GHR: variants seen among roughly 807,000 people sequenced by gnomAD.
The protein encoded by GHR is growth hormone receptor.
In GHR, 35 loss-of-function variants were observed where a neutral mutation model predicts 67.1. The observed-to-expected ratio is 0.52, with a 90% CI of 0.40 to 0.69. GHR has a LOEUF of 0.69. GHR is among the 30% of genes least tolerant of loss of function. The probability of loss-of-function intolerance (pLI) is 0.00; values close to 1 mark genes in which losing one functional copy is unlikely to be tolerated. For synonymous variants in GHR, 272 were observed against 269.1 expected (o/e 1.01, Z -0.10); for missense variants, 792 against 764.6 (o/e 1.04, Z -0.42).
chr5:42,669,291 C>T (rs926702681), intron 3 of GHR, among the ~76,000 whole-genome samples: 1 of 152,162 alleles, frequency 6.6e-6, no homozygotes, highest in Non-Finnish European at 1.5e-5. Context: ...ACAAAAGACC[C>T]TATTTTGTTG....
chr5:42,679,698 A>G (rs945382966), intron 3 of GHR, among the ~76,000 whole-genome samples: 2 of 152,004 alleles, frequency 1.3e-5, no homozygotes, highest in African/African-American at 4.8e-5. Flanking sequence ...TTAATAACCA[A>G]GTGACTTTGG....
At chr5:42,570,268 C>A (rs973399499) in intron 2 of GHR, among the ~76,000 whole-genome samples, 4 of 152,190 alleles carry the variant, frequency 2.6e-5, no homozygotes, top group African/African-American at 9.7e-5. Flanking sequence ...GCTGTCTTCA[C>A]CATAATCCAG....
At chr5:42,562,590 A>G (rs1348784828) in intron 1 of GHR, among the ~76,000 whole-genome samples, 1 of 149,402 alleles carries the variant, frequency 6.7e-6, no homozygotes, top group African/African-American at 2.5e-5. Context: ...TTTTGTTTTG[A>G]TAGAGCACAT....
At chr5:42,695,527 C>A (rs1757634126) in intron 5 of GHR, among the ~76,000 whole-genome samples, 1 of 152,126 alleles carries the variant, frequency 6.6e-6, no homozygotes, top group Admixed American at 6.6e-5. Flanking sequence ...TTTTCTTTAT[C>A]ACAAAGCATA....
chr5:42,466,325 G>A (rs1744734434), intron 1 of GHR, among the ~76,000 whole-genome samples: 1 of 152,150 alleles, frequency 6.6e-6, no homozygotes, highest in South Asian at 2.1e-4. Flanking sequence ...TCCTGTTTCT[G>A]TCCATTTTTG....
intron 1 of GHR, among the ~76,000 whole-genome samples, chr5:42,533,379 A>G (rs1202581437): frequency 2.0e-5 from 3 of 151,990 alleles, no homozygotes; most frequent in Non-Finnish European, 4.4e-5. Context: ...TCTCTGTTAT[A>G]TATAGGTTGA....
intron 1 of GHR, among the ~76,000 whole-genome samples, chr5:42,523,247 T>C (rs1200724089): frequency 1.3e-5 from 2 of 152,226 alleles, no homozygotes; most frequent in Non-Finnish European, 2.9e-5. Flanking sequence ...CTGATAGTAG[T>C]CAGCAGATAA....
intron 1 of GHR, among the ~76,000 whole-genome samples, chr5:42,495,870 A>G (rs1746302228): frequency 1.3e-5 from 2 of 152,078 alleles, no homozygotes; most frequent in Non-Finnish European, 1.5e-5. Flanking sequence ...ATCATGAAAA[A>G]CTTTCCTGAA....
At chr5:42,523,510 G>A (rs1747565283) in intron 1 of GHR, among the ~76,000 whole-genome samples, 1 of 152,006 alleles carries the variant, frequency 6.6e-6, no homozygotes, top group South Asian at 2.1e-4. Context: ...GACGTTTGAT[G>A]CTATTATTAT....
chr5:42,523,494 A>G (rs992238076), intron 1 of GHR, among the ~76,000 whole-genome samples: 1 of 152,076 alleles, frequency 6.6e-6, no homozygotes, highest in African/African-American at 2.4e-5. Flanking sequence ...GTGATCTGTG[A>G]TGAGTGACGT....
At chr5:42,608,329 T>G (rs974138919) in intron 2 of GHR, among the ~76,000 whole-genome samples, 4 of 151,896 alleles carry the variant, frequency 2.6e-5, no homozygotes, top group Non-Finnish European at 4.4e-5. Flanking sequence ...TGGATTTATA[T>G]TTTTTTTGTA....
At position 42,718,642 on chromosome 5, in the gene GHR, G is replaced by T. The variant is rs1296409520; in HGVS notation, c.1135G>T (p.Val379Leu). The T allele has an allele frequency of 1.2e-6, 2 of 1,614,116 alleles. No individual in the cohort carries two copies. The highest frequency in any genetic ancestry group is 2.2e-5 in the East Asian group (1 of 44,886). The change falls in exon 10 of 10, where the codon GTG becomes TTG. Residue 379 changes from valine to leucine, a missense_variant. Transcript: ENST00000230882. ...TGAGAAATCACATAGTAACCTAGGG[G>T]TGAAGGATGGCGACTCTGGACGTAC... ...DHEKSHSNLGVKDGDSGRTSC... is the reference protein window; with the variant it reads ...DHEKSHSNLGLKDGDSGRTSC...
intron 2 of GHR, among the ~76,000 whole-genome samples, chr5:42,569,753 A>G (rs1488457201): frequency 6.6e-6 from 1 of 152,098 alleles, no homozygotes; most frequent in Non-Finnish European, 1.5e-5. Flanking sequence ...ATATATATGT[A>G]CACTATATGT....
chr5:42,579,941 A>G (rs1751067566), intron 2 of GHR, among the ~76,000 whole-genome samples: 1 of 152,052 alleles, frequency 6.6e-6, no homozygotes, highest in Non-Finnish European at 1.5e-5. Flanking sequence ...CATGAAACAA[A>G]CAGCTGACAG....
rs776467272 is a variant in GHR, at chr5:42,718,464, A to G, written c.957A>G (p.Leu319=). ...TTTCTATTTTCTAGGAAGGAAAATTAGAGGAGGTGAACACAATCTTAGCCA... is the reference window on the plus strand; with the variant it reads ...TTTCTATTTTCTAGGAAGGAAAATTGGAGGAGGTGAACACAATCTTAGCCA... ...IDPDLLKEGK[L]EEVNTILAIH... The change falls in exon 10 of 10, where the codon TTA becomes TTG. Residue 319 remains leucine, a synonymous_variant. Coordinates refer to ENST00000230882, the MANE Select transcript of GHR (RefSeq NM_000163.5). 3 of 1,608,062 alleles carry G rather than the reference A, an allele frequency of 1.9e-6. No homozygotes were observed. The East Asian group carries it at 6.7e-5, about 36-fold the overall frequency.
chr5:42,514,297 A>G (rs943254186), intron 1 of GHR: 33 of 983,942 alleles, frequency 3.4e-5, no homozygotes, highest in Non-Finnish European at 3.9e-5. Context: ...CAGGGAGTCC[A>G]TATTGGGAAG....
intron 2 of GHR, among the ~76,000 whole-genome samples, chr5:42,575,756 C>A: frequency 6.6e-6 from 1 of 151,304 alleles, no homozygotes; most frequent in Non-Finnish European, 1.5e-5. Flanking sequence ...TAAAGAGGGG[C>A]TGGGCGCGAT....
At chr5:42,518,284 A>G (rs1747329872) in intron 1 of GHR, among the ~76,000 whole-genome samples, 2 of 152,134 alleles carry the variant, frequency 1.3e-5, no homozygotes, top group Admixed American at 6.5e-5. Flanking sequence ...ACTTCTTATT[A>G]AAAGAGTTTG....
intron 3 of GHR, among the ~76,000 whole-genome samples, chr5:42,674,190 T>C (rs1756456236): frequency 6.6e-6 from 1 of 152,152 alleles, no homozygotes; most frequent in African/African-American, 2.4e-5. Flanking sequence ...AGTTACAAAT[T>C]CCTGTTTTTG....
Sources: gnomAD v4.1 joint callset for allele counts (sites outside exome capture counted in the v4.1 genomes callset) on GRCh38, gnomAD v4.1.1 for gene constraint, MANE v1.5 for transcripts, NCBI Gene and HGNC (gene_info 2026-07-23, HGNC 2026-07-21) for gene names.